The following FBXL3 variants were observed in gnomAD, a reference collection of about 807,000 sequenced individuals.
FBXL3 encodes the protein F-box/LRR-repeat protein 3.
Under a neutral mutation model 37.9 loss-of-function variants are expected in FBXL3, and 14 were observed. The ratio of observed to expected loss-of-function variants is 0.37; its 90% confidence interval spans 0.24 to 0.58. FBXL3 has a LOEUF of 0.58. Ranked by LOEUF, FBXL3 falls within the 20% of genes least tolerant of loss-of-function variation. The probability of loss-of-function intolerance (pLI) is 0.74; values close to 1 mark genes in which losing one functional copy is unlikely to be tolerated. For missense variants in FBXL3, 327 were observed against 511.1 expected (o/e 0.64, Z 3.47); for synonymous variants, 194 against 180.1 (o/e 1.08, Z -0.62).
chr13:77,025,712 A>AAAAAAC (rs1423394279), intron 1 of FBXL3, among the ~76,000 whole-genome samples: 2 of 148,064 alleles, frequency 1.4e-5, no homozygotes, highest in Non-Finnish European at 1.5e-5. Context: ...AAAAAAAAAA[A>AAAAAAC]CTTTGAAAGA....
In FBXL3 at chr13:77,021,819, T is replaced by C. The variant is rs1333444842; in HGVS notation, c.42A>G (p.Glu14=). Residue 14 remains glutamate, a synonymous_variant, in exon 2 of 5, where the codon GAA becomes GAG. Transcript: ENST00000355619. ...GGRDSDRNSS[E]EGTAEKSKKL... The stretch of plus-strand genomic sequence containing the variant: ...TCTTGGATTTCTCTGCAGTTCCTTC[T>C]TCTGATGAATTACGGTCACTATCTC... 4 of 1,613,342 alleles carry C rather than the reference T, an allele frequency of 2.5e-6. No individual in the cohort carries two copies. Among genetic ancestry groups the C allele is most frequent in the Non-Finnish European group, 3.4e-6 (4 of 1,179,942 alleles).
chr13:77,015,027 T>A (rs751479439), intron 4 of FBXL3: 1 of 153,536 alleles, frequency 6.5e-6, no homozygotes, highest in Non-Finnish European at 1.4e-5. Flanking sequence ...TCCCTCTACA[T>A]AGTGAGAAGA....
Position 77,005,567 on chromosome 13 carries a change from T to C in FBXL3, c.*1578A>G, listed in dbSNP as rs942682721. ...AGGGGATATATTACTATAATTGCTGTTAATTTTCGAATCTAGATAAGCCTT... is the reference window on the plus strand; with the variant it reads ...AGGGGATATATTACTATAATTGCTGCTAATTTTCGAATCTAGATAAGCCTT... On this transcript the variant is annotated 3_prime_UTR_variant, in exon 5 of 5. Coordinates refer to ENST00000355619, the MANE Select transcript of FBXL3 (RefSeq NM_012158.4). 4 of 152,450 alleles carry C rather than the reference T, an allele frequency of 2.6e-5. No homozygotes were observed. The highest frequency in any genetic ancestry group is 3.2e-3 in the Middle Eastern group (1 of 316). The allele number at this position is 152,450 out of a possible 1,614,324, so 9.4% of individuals were successfully genotyped here. A position where few individuals can be genotyped will look rare whatever the true frequency, so the allele number is the denominator to read the frequency against.
rs371270361 is a variant in FBXL3 at position 77,007,628 on chromosome 13, G to A, written c.804C>T (p.His268=). The A allele has an allele frequency of 6.2e-5, 100 of 1,614,054 alleles. No individual in the cohort carries two copies. Among genetic ancestry groups the A allele is most frequent in the Admixed American group, 1.0e-4 (6 of 60,000 alleles). ...AGCTACTCTTCTGAATAGTATGGAA[G>A]TGTGTCTGTCCAGGATTCTCACTGA... is the stretch of plus-strand genomic sequence containing the variant. The part of the protein sequence containing the change: ...DVVSENPGQT[H]FHTIQKSSWD... The change falls in exon 5 of 5, where the codon CAC becomes CAT. Residue 268 remains histidine, a synonymous_variant. Transcript: ENST00000355619.
rs893318037 is a variant in FBXL3, at chr13:77,006,693, C to G, written c.*452G>C. On this transcript the variant is annotated 3_prime_UTR_variant, in exon 5 of 5. Transcript: ENST00000355619. The stretch of plus-strand genomic sequence containing the variant: ...TTAGATATGATATATTCATTTTTCT[C>G]ACAAAATGCTCACTTTCCTGAGCTA... The G allele has an allele frequency of 6.7e-6, 3 of 448,912 alleles. No homozygotes were observed. The highest frequency in any genetic ancestry group is 2.1e-5 in the African/African-American group (1 of 46,724). 27.8% of individuals were successfully genotyped at this position (448,912 alleles called of 1,614,324 possible). A position where few individuals can be genotyped will look rare whatever the true frequency, so the allele number is the denominator to read the frequency against.
intron 3 of FBXL3, 139 bp from the exon 4 acceptor site, chr13:77,015,719 A>G (rs2034631365): frequency 4.1e-6 from 2 of 489,334 alleles, no homozygotes; most frequent in East Asian, 7.0e-5. Flanking sequence ...GCATCCCTTC[A>G]CTCTGTTGTT....
rs1309529067 is a variant in FBXL3, at chr13:77,007,779, C to A, written c.653G>T (p.Cys218Phe). The change falls in exon 5 of 5, where the codon TGT (cysteine) becomes TTT (phenylalanine). Residue 218 changes from cysteine to phenylalanine, a missense_variant. Coordinates refer to ENST00000355619, the MANE Select transcript of FBXL3 (RefSeq NM_012158.4). ...CPHVSPAGIL[C>F]VADQCHGLRE... Reference sequence around the variant, plus strand: ...TAAGCCGTGACACTGATCAGCCACACAAAGGATACCTTGAAAGAAAAAAAA... The same window carrying A: ...TAAGCCGTGACACTGATCAGCCACAAAAAGGATACCTTGAAAGAAAAAAAA... The A allele has an allele frequency of 1.9e-6, 3 of 1,562,558 alleles. No individual in the cohort carries two copies. The highest frequency in any genetic ancestry group is 2.6e-6 in the Non-Finnish European group (3 of 1,154,690).
rs200118403 is a variant in FBXL3 at position 77,007,523 on chromosome 13, G to A, written c.909C>T (p.Phe303=). ...FFLYEEEFDP[F]FRYEIPATHL... is the part of the protein sequence containing the mutation. ...GGGTGGCAGGTATTTCATAGCGAAA[G>A]AAGGGGTCAAATTCTTCTTCATATA... Residue 303 remains phenylalanine, a synonymous_variant, in exon 5 of 5, where the codon TTC becomes TTT. Coordinates refer to ENST00000355619, the MANE Select transcript of FBXL3 (RefSeq NM_012158.4). 79 of 1,614,126 alleles carry A rather than the reference G, an allele frequency of 4.9e-5. No individual in the cohort carries two copies. Among genetic ancestry groups the A allele is most frequent in the Non-Finnish European group, 6.5e-5 (77 of 1,180,028 alleles).
chr13:77,008,336 A>G (rs563549888), intron 4 of FBXL3, among the ~76,000 whole-genome samples: 3 of 152,372 alleles, frequency 2.0e-5, no homozygotes, highest in South Asian at 2.1e-4. Flanking sequence ...TATTAAACTT[A>G]TAAGAAAAAA....
chr13:77,018,385 T>C (rs1180417586), intron 3 of FBXL3: 3 of 328,592 alleles, frequency 9.1e-6, no homozygotes, highest in African/African-American at 6.6e-5. Context: ...CCTCTGTAAA[T>C]TTCTTTAACC....
rs771264209 is a variant in FBXL3 at position 77,013,286 on chromosome 13, A to G, written c.643+2123T>C. ...TCGGTTCACGGTTTGACTCTGAAAC[A>G]AAACTGGTAACCGCCGTTTCACAAA... On this transcript the variant is annotated intron_variant, in intron 4 of 4. Transcript: ENST00000355619. 2.0e-5 allele frequency: 3 copies of G among 152,170 alleles called. No homozygotes were observed. In the East Asian group the frequency reaches 5.8e-4, roughly 30 times the overall value. The allele number at this position is 152,170 out of a possible 1,614,324, so 9.4% of individuals were successfully genotyped here.
rs1026130007 is a variant in FBXL3, at chr13:77,006,769, CAA to C, written c.*374_*375del. 2 of 976,840 alleles carry C rather than the reference CAA, an allele frequency of 2.0e-6. No individual in the cohort carries two copies. The highest frequency in any genetic ancestry group is 2.5e-6 in the Non-Finnish European group (2 of 814,010). 60.5% of individuals were successfully genotyped at this position (976,840 alleles called of 1,614,324 possible). On this transcript the variant is annotated 3_prime_UTR_variant, in exon 5 of 5. Transcript: ENST00000355619. ...TGTGTAACTGAAGACCCTAAAATGT[CAA>C]GTTTACATTTTTTTTTAAATGCATA... is the stretch of plus-strand genomic sequence containing the variant.
intron 1 of FBXL3, among the ~76,000 whole-genome samples, chr13:77,024,352 A>T (rs2034801223): frequency 6.6e-6 from 1 of 152,172 alleles, no homozygotes; most frequent in South Asian, 2.1e-4. Flanking sequence ...GACCACCTAA[A>T]ACTACTCACA....
In FBXL3 at chr13:77,007,385, T is replaced by A. The variant is rs1221689576; in HGVS notation, c.1047A>T (p.Glu349Asp). Residue 349 changes from glutamate to aspartate, a missense_variant, in exon 5 of 5, where the codon GAA becomes GAT. By Grantham distance (45) the Glu-to-Asp change is conservative (BLOSUM62 2). Transcript: ENST00000355619. ...AACGTTCTGCAATGCGAATTAACTC[T>A]TCATCAAGTGGCCGTAATCCATTTG... ...VCANGLRPLD[E>D]ELIRIAERCK... The A allele has an allele frequency of 6.2e-7, 1 of 1,614,202 alleles. No individual in the cohort carries two copies.
At chr13:77,007,861 G>A in intron 4 of FBXL3, 73 bp from the exon 5 acceptor site, 2 of 1,347,838 alleles carry the variant, frequency 1.5e-6, no homozygotes, top group Non-Finnish European at 2.0e-6. Context: ...TCAAGTACAT[G>A]TCCCACAAAA....
At chr13:77,010,841 T>C (rs576021058) in intron 4 of FBXL3, 1 of 152,364 alleles carries the variant, frequency 6.6e-6, no homozygotes, top group Non-Finnish European at 1.5e-5. Flanking sequence ...GAGAAGCCAC[T>C]TGAGCCCTAA....
rs1453185488 is a variant in FBXL3, at chr13:77,006,028, A to C, written c.*1117T>G. The C allele has an allele frequency of 2.0e-5, 3 of 152,574 alleles. No homozygotes were observed. The highest frequency in any genetic ancestry group is 7.2e-5 in the African/African-American group (3 of 41,460). The allele number at this position is 152,574 out of a possible 1,614,324, so 9.5% of individuals were successfully genotyped here. The stretch of plus-strand genomic sequence containing the variant: ...CAAAACTGCAGACATTTTTCTATTA[A>C]AGTTTTCCAGTTCACTGAGCAATAT... On this transcript the variant is annotated 3_prime_UTR_variant, in exon 5 of 5. Transcript: ENST00000355619.
chr13:77,009,125 CT>C (rs1204962450), intron 4 of FBXL3: 2 of 152,166 alleles, frequency 1.3e-5, no homozygotes, highest in African/African-American at 4.8e-5. Context: ...CTAAGTGACT[CT>C]TATGTCCATG....
chr13:77,023,192 C>T (rs1229521168), intron 1 of FBXL3, among the ~76,000 whole-genome samples: 7 of 152,190 alleles, frequency 4.6e-5, no homozygotes, highest in Non-Finnish European at 8.8e-5. Flanking sequence ...TGGGGTCTCG[C>T]TCTGTCACCC....
Sources: allele counts gnomAD v4.1 joint callset (sites outside exome capture counted in the v4.1 genomes callset), GRCh38; gene constraint gnomAD v4.1.1; transcripts MANE v1.5; gene names NCBI Gene and HGNC (gene_info 2026-07-23, HGNC 2026-07-21).